CAMK2A: variants seen among roughly 807,000 people sequenced by gnomAD.
CAMK2A encodes calcium/calmodulin dependent protein kinase II alpha, also known as calcium/calmodulin-dependent protein kinase type II subunit alpha.
In CAMK2A, 7 loss-of-function variants were observed where a neutral mutation model predicts 79.2. The ratio of observed to expected loss-of-function variants is 0.09; its 90% CI spans 0.05 to 0.17. The LOEUF (loss-of-function observed/expected upper bound fraction) is 0.17. CAMK2A is among the 10% of genes least tolerant of loss of function. The probability of loss-of-function intolerance (pLI) is 1.00; values close to 1 mark genes in which losing one functional copy is unlikely to be tolerated. For missense variants in CAMK2A, 214 were observed against 646.4 expected (o/e 0.33, Z 7.25); for synonymous variants, 242 against 251.7 (o/e 0.96, Z 0.36).
intron 1 of CAMK2A, among the ~76,000 whole-genome samples, chr5:150,277,841 C>G (rs115750463): frequency 0.022 from 3,300 of 152,274 alleles, 121 homozygotes; most frequent in African/African-American, 0.075. Flanking sequence ...ATCCTCACAG[C>G]AATCCTGTGA....
At chr5:150,287,125 G>C (rs1757455602) in intron 1 of CAMK2A, among the ~76,000 whole-genome samples, 1 of 152,184 alleles carries the variant, frequency 6.6e-6, no homozygotes, top group African/African-American at 2.4e-5. Flanking sequence ...TGGAGAGCAG[G>C]AGCCCCAGGC....
chr5:150,221,747 G>T lies in CAMK2A; in HGVS notation c.*963C>A. On this transcript the variant is annotated 3_prime_UTR_variant, in exon 19 of 19. Transcript: ENST00000671881. ...AGGTGACAAGGTCCACCTCAGAGAT[G>T]ACAAAAAAAAAAAAAAAAACTAGAA... The T allele has an allele frequency of 1.6e-4, 53 of 321,534 alleles. No individual in the cohort carries two copies. Among genetic ancestry groups the T allele is most frequent in the South Asian group, 4.3e-4 (2 of 4,612 alleles). 19.9% of individuals were successfully genotyped at this position (321,534 alleles called of 1,614,324 possible).
intron 1 of CAMK2A, among the ~76,000 whole-genome samples, chr5:150,274,314 G>A (rs765954505): frequency 6.6e-6 from 1 of 152,136 alleles, no homozygotes; most frequent in Non-Finnish European, 1.5e-5. Context: ...TGTAGAATGT[G>A]GCCCATTTCC....
At chr5:150,228,323 C>T (rs199731337) in intron 16 of CAMK2A, 37 bp from the exon 17 acceptor site, 24 of 1,512,316 alleles carry the variant, frequency 1.6e-5, no homozygotes, top group South Asian at 3.4e-5. Context: ...GGGACTGGGG[C>T]GGCTTCTCAT....
rs1031210404 is a variant in CAMK2A at position 150,222,028 on chromosome 5, G to A, written c.*682C>T. 6 of 194,146 alleles carry A rather than the reference G, an allele frequency of 3.1e-5. No homozygotes were observed. Among genetic ancestry groups the A allele is most frequent in the Middle Eastern group, 2.1e-3 (1 of 466 alleles). The allele number at this position is 194,146 out of a possible 1,614,324, so 12.0% of individuals were successfully genotyped here. On this transcript the variant is annotated 3_prime_UTR_variant, in exon 19 of 19. Coordinates refer to ENST00000671881, the MANE Select transcript of CAMK2A (RefSeq NM_015981.4). ...AAAGCTGGAATTCTCCAGGGATGAC[G>A]GGGGTGGGGTGGGCAGGTTAATGTT...
intron 16 of CAMK2A, among the ~76,000 whole-genome samples, chr5:150,230,013 A>G (rs1452645757): frequency 6.6e-6 from 1 of 151,944 alleles, no homozygotes; most frequent in Non-Finnish European, 1.5e-5. Context: ...AAACTCTCCC[A>G]CAATTAGAAT....
In CAMK2A at chr5:150,256,048, G is replaced by A. The variant is rs912421427; in HGVS notation, c.411+525C>T. Among the ~76,000 whole-genome samples, 4 of 152,314 alleles carry A rather than the reference G, an allele frequency of 2.6e-5. No individual in the cohort carries two copies. The highest frequency in any genetic ancestry group is 7.2e-5 in the African/African-American group (3 of 41,562). On this transcript the variant is annotated intron_variant, in intron 6 of 18. Transcript: ENST00000671881. The surrounding 1 kb of genome is among the most constrained non-coding windows in gnomAD (Gnocchi z 4.6). ...CAGGTAAAAGAAAGGAGAACTGCAC[G>A]GGCCTAGAGTCTGGTTTTTCTTCTC...
Position 150,265,858 on chromosome 5 carries a change from C to T in CAMK2A, c.158-843G>A, listed in dbSNP as rs997198810. ...TCAGGAGGCTGAGGCAGGAGAATTG[C>T]TTGAAGATGGAGGTTGGAGTGAGCT... On this transcript the variant is annotated intron_variant, in intron 2 of 18. Coordinates refer to ENST00000671881, the MANE Select transcript of CAMK2A (RefSeq NM_015981.4). Among the ~76,000 whole-genome samples the T allele has an allele frequency of 4.0e-5, 6 of 150,554 alleles. No individual in the cohort carries two copies. In the East Asian group the frequency reaches 9.8e-4, roughly 25 times the overall value.
intron 1 of CAMK2A, among the ~76,000 whole-genome samples, chr5:150,280,862 C>A (rs1464469543): frequency 6.6e-6 from 1 of 152,226 alleles, no homozygotes; most frequent in Non-Finnish European, 1.5e-5. Context: ...CACCCTCTTA[C>A]CACTCCTGCC....
intron 14 of CAMK2A, among the ~76,000 whole-genome samples, chr5:150,239,069 C>T (rs759186859): frequency 2.6e-5 from 4 of 152,000 alleles, no homozygotes; most frequent in African/African-American, 7.3e-5. Flanking sequence ...GACACCATGG[C>T]GGCCGCAGAG....
Position 150,289,691 on chromosome 5 carries a change from C to T in CAMK2A, c.-66G>A. The T allele has an allele frequency of 7.5e-7, 1 of 1,336,864 alleles. No homozygotes were observed. The highest frequency in any genetic ancestry group is 1.1e-6 in the Non-Finnish European group (1 of 939,858). The allele number at this position is 1,336,864 out of a possible 1,614,324, so 82.8% of individuals were successfully genotyped here. A position where few individuals can be genotyped will look rare whatever the true frequency, so the allele number is the denominator to read the frequency against. ...CCAGGACTGAGGCGCTGCTGCTCTG[C>T]TCCCGAACCTAGGGACCACTTGCCT... is the stretch of plus-strand genomic sequence containing the variant. On this transcript the variant is annotated 5_prime_UTR_variant, in exon 1 of 19. Transcript: ENST00000671881.
chr5:150,225,809 A>G (rs941700015), intron 17 of CAMK2A, among the ~76,000 whole-genome samples: 1 of 152,142 alleles, frequency 6.6e-6, no homozygotes, highest in East Asian at 1.9e-4. Context: ...CAGTGGCATG[A>G]TCTCAGCTTA....
At position 150,231,395 on chromosome 5, in the gene CAMK2A, G is replaced by A; in HGVS notation, c.1067-15C>T. The stretch of plus-strand genomic sequence containing the variant: ...CTGTTTCCGCACTGTAAGGCAGAAG[G>A]GGACACAGAAATAATAATAATAATA... On this transcript the variant is annotated splice_polypyrimidine_tract_variant and intron_variant, in intron 15 of 18. Coordinates refer to ENST00000671881, the MANE Select transcript of CAMK2A (RefSeq NM_015981.4). 1 of 1,208,414 alleles carries A rather than the reference G, an allele frequency of 8.3e-7. No individual in the cohort carries two copies. The highest frequency in any genetic ancestry group is 1.1e-6 in the Non-Finnish European group (1 of 885,456). The allele number at this position is 1,208,414 out of a possible 1,614,324, so 74.9% of individuals were successfully genotyped here.
rs1243487760 is a variant in CAMK2A, at chr5:150,241,464, G to A, written c.985-1728C>T. 9.5e-5 allele frequency among the ~76,000 whole-genome samples: 8 copies of A among 84,036 alleles called. No individual in the cohort carries two copies. In the South Asian group the frequency reaches 1.7e-3, roughly 18 times the overall value. The allele number at this position is 84,036 out of a possible 152,430, so 55.1% of individuals were successfully genotyped here. A position where few individuals can be genotyped will look rare whatever the true frequency, so the allele number is the denominator to read the frequency against. Reference sequence around the variant, plus strand: ...CCTCTCTCTTTTACTCCGTTCCCTCGCCCTCCCCTCTCCTCCTTCTTCTCT... The same window carrying A: ...CCTCTCTCTTTTACTCCGTTCCCTCACCCTCCCCTCTCCTCCTTCTTCTCT... On this transcript the variant is annotated intron_variant, in intron 13 of 18. Coordinates refer to ENST00000671881, the MANE Select transcript of CAMK2A (RefSeq NM_015981.4).
chr5:150,272,445 G>A (rs1756786084), intron 2 of CAMK2A, among the ~76,000 whole-genome samples: 1 of 151,872 alleles, frequency 6.6e-6, no homozygotes, highest in African/African-American at 2.4e-5. Context: ...GGCGGTGGAC[G>A]CTTGTAATCC....
At chr5:150,250,580 T>C (rs1414661988) in intron 10 of CAMK2A, 108 bp downstream of exon 10, 2 of 1,454,228 alleles carry the variant, frequency 1.4e-6, no homozygotes, top group African/African-American at 1.4e-5. Flanking sequence ...TCTCTTGGAT[T>C]AAGCCCTCTT....
In CAMK2A at chr5:150,223,031, A is replaced by G; in HGVS notation, c.1424T>C (p.Ile475Thr). 6.2e-7 allele frequency: 1 copy of G among 1,614,222 alleles called. No homozygotes were observed. Among genetic ancestry groups the G allele is most frequent in the Non-Finnish European group, 8.5e-7 (1 of 1,180,044 alleles). Reference protein sequence around the residue: ...VWHRRDGKWQIVHFHRSGAPS... With the variant: ...VWHRRDGKWQTVHFHRSGAPS... Reference sequence around the variant, plus strand: ...CGCCCCAGATCTGTGGAAGTGGACGATCTGCCATTTGCCATCCCGGCGGTG... The same window carrying G: ...CGCCCCAGATCTGTGGAAGTGGACGGTCTGCCATTTGCCATCCCGGCGGTG... The change falls in exon 18 of 19, where the codon ATC becomes ACC. Residue 475 changes from isoleucine (I) to threonine (T), a missense_variant. This residue lies in a region of CAMK2A where 123 missense variants were observed against 242.4 expected (regional missense o/e 0.51). Transcript: ENST00000671881. The surrounding 1 kb of genome is among the most constrained non-coding windows in gnomAD (Gnocchi z 4.1).
chr5:150,248,678 T>C (rs958865211), intron 11 of CAMK2A, among the ~76,000 whole-genome samples: 5 of 152,162 alleles, frequency 3.3e-5, no homozygotes, highest in Non-Finnish European at 7.3e-5. Context: ...TCATTTTTTA[T>C]GGCTGCATAG....
intron 1 of CAMK2A, among the ~76,000 whole-genome samples, chr5:150,277,722 G>A (rs942863917): frequency 6.6e-6 from 1 of 152,184 alleles, no homozygotes; most frequent in Admixed American, 6.5e-5. Context: ...TCAGAGAGAG[G>A]AGTTTCTCAA....
Sources: gnomAD v4.1 joint callset for allele counts (sites outside exome capture counted in the v4.1 genomes callset) on GRCh38, gnomAD v4.1.1 for gene constraint, gnomAD v4.1.1 regional missense constraint, Gnocchi (gnomAD v3.1) non-coding constraint, MANE v1.5 for transcripts, NCBI Gene and HGNC (gene_info 2026-07-23, HGNC 2026-07-21) for gene names.